Variants in RBM25 observed in about 807,000 individuals in gnomAD.
The protein encoded by RBM25 is RNA-binding protein 25.
In RBM25, 19 loss-of-function variants were observed where a neutral mutation model predicts 120.7. That is an observed-to-expected ratio of 0.16 (90% CI 0.11 to 0.23). RBM25 has a LOEUF of 0.23. Among genes scored for constraint, RBM25 ranks in the 10% least tolerant of loss-of-function variants. RBM25 has a pLI of 1.00. For synonymous variants in RBM25, 390 were observed against 326.7 expected (o/e 1.19, Z -2.09); for missense variants, 605 against 1,041.5 (o/e 0.58, Z 5.77).
chr14:73,119,360 G>T (rs574554816), intron 18 of RBM25, among the ~76,000 whole-genome samples: 2 of 152,002 alleles, frequency 1.3e-5, no homozygotes, highest in South Asian at 4.1e-4. Flanking sequence ...CCGCCTCCTG[G>T]GTTCACGTCA....
In RBM25 at chr14:73,111,610, T is replaced by G; in HGVS notation, c.2100T>G (p.Asp700Glu). Residue 700 changes from aspartate (D) to glutamate (E), a missense_variant, in exon 16 of 19, where the codon GAT (aspartate) becomes GAG (glutamate). Asp to Glu is a conservative substitution (Grantham distance 45). Coordinates refer to ENST00000261973, the MANE Select transcript of RBM25 (RefSeq NM_021239.3). ...PVDSVFNKFE[D>E]EDSDDVPRKR... is the part of the protein sequence containing the mutation. ...ATAGTGTCTTTAACAAATTTGAGGA[T>G]GAAGACAGTGATGACGTACCCCGAA... 6.2e-7 allele frequency: 1 copy of G among 1,614,096 alleles called. No individual in the cohort carries two copies. The highest frequency in any genetic ancestry group is 1.3e-5 in the African/African-American group (1 of 75,034).
At chr14:73,068,215 A>G (rs1895188745) in intron 1 of RBM25, 8 of 858,594 alleles carry the variant, frequency 9.3e-6, no homozygotes, top group South Asian at 1.3e-5. Flanking sequence ...AAATGTTTCC[A>G]TTGATACAGA....
intron 7 of RBM25, among the ~76,000 whole-genome samples, chr14:73,097,742 C>T (rs951511665): frequency 3.3e-5 from 5 of 152,110 alleles, no homozygotes; most frequent in Non-Finnish European, 7.4e-5. Flanking sequence ...GCTGCCTTTC[C>T]TTAAGAAACT....
chr14:73,111,729 G>A lies in RBM25; in HGVS notation c.2219G>A (p.Ser740Asn), dbSNP rs752160108. 1.2e-6 allele frequency: 2 copies of A among 1,614,044 alleles called. No homozygotes were observed. Among genetic ancestry groups the A allele is most frequent in the South Asian group, 1.1e-5 (1 of 91,058 alleles). Residue 740 changes from serine to asparagine, a missense_variant, in exon 16 of 19, where the codon AGT becomes AAT. Around this residue, in one of 4 missense-constraint regions of RBM25, gnomAD observed 465 missense variants for 741.6 expected, o/e 0.63. Transcript: ENST00000261973. ...NTEEKRKHIK[S>N]LIEKIPTAKP... is the part of the protein sequence containing the mutation. ...GAAGAAAAGCGTAAACACATTAAGA[G>A]TCTCATTGAGAAAATCCCTACAGCC...
intron 1 of RBM25, among the ~76,000 whole-genome samples, chr14:73,066,402 G>C (rs1895134322): frequency 6.6e-6 from 1 of 152,096 alleles, no homozygotes; most frequent in Non-Finnish European, 1.5e-5. Flanking sequence ...TTGGGAGGCC[G>C]AGGCCGACGG....
Position 73,121,498 on chromosome 14 carries a change from A to G in RBM25, c.*1693A>G, listed in dbSNP as rs184550808. Reference sequence around the variant, plus strand: ...TTTTGGATGAATCTACTATACATCTATGGAAATGTCTCTTTTATTTTAAAT... The same window carrying G: ...TTTTGGATGAATCTACTATACATCTGTGGAAATGTCTCTTTTATTTTAAAT... On this transcript the variant is annotated 3_prime_UTR_variant, in exon 19 of 19. Transcript: ENST00000261973. The G allele has an allele frequency of 2.6e-5, 4 of 152,650 alleles. No homozygotes were observed. The highest frequency in any genetic ancestry group is 1.9e-4 in the East Asian group (1 of 5,192). 9.5% of individuals were successfully genotyped at this position (152,650 alleles called of 1,614,324 possible).
At chr14:73,085,356 A>G (rs779030016) in intron 5 of RBM25, among the ~76,000 whole-genome samples, 1 of 148,528 alleles carries the variant, frequency 6.7e-6, no homozygotes, top group African/African-American at 2.5e-5. Context: ...TCATTCTTTT[A>G]TTGAGGAACA....
At chr14:73,063,807 C>T (rs1211002668) in intron 1 of RBM25, among the ~76,000 whole-genome samples, 1 of 151,456 alleles carries the variant, frequency 6.6e-6, no homozygotes, top group Non-Finnish European at 1.5e-5. Context: ...AAGTCAGAAA[C>T]TCTTCAAATG....
At chr14:73,089,383 G>C (rs1895758682) in intron 6 of RBM25, among the ~76,000 whole-genome samples, 1 of 152,046 alleles carries the variant, frequency 6.6e-6, no homozygotes, top group South Asian at 2.1e-4. Context: ...TTGAGACAGA[G>C]TCTCTCTGTC....
intron 5 of RBM25, among the ~76,000 whole-genome samples, chr14:73,085,594 A>G (rs1452491055): frequency 6.6e-6 from 1 of 151,646 alleles, no homozygotes; most frequent in South Asian, 2.1e-4. Flanking sequence ...ACAGGCGCCC[A>G]CCACCATGCC....
At position 73,058,548 on chromosome 14, in the gene RBM25, T is replaced by G. The variant is rs1480318195; in HGVS notation, c.-173T>G. 6.6e-6 allele frequency: 1 copy of G among 152,160 alleles called. No individual in the cohort carries two copies. Among genetic ancestry groups the G allele is most frequent in the East Asian group, 1.9e-4 (1 of 5,180 alleles). The allele number at this position is 152,160 out of a possible 1,614,324, so 9.4% of individuals were successfully genotyped here. ...GGGCAAGAGGAAGACCTCCATCAGC[T>G]CGCCGCGCAGCGCGGCTGTATTTGC... On this transcript the variant is annotated 5_prime_UTR_variant, in exon 1 of 19. Transcript: ENST00000261973.
At chr14:73,112,035 C>T (rs1896320223) in intron 16 of RBM25, 117 bp from the exon 17 acceptor site, 3 of 1,095,158 alleles carry the variant, frequency 2.7e-6, no homozygotes, top group Non-Finnish European at 2.7e-6. Flanking sequence ...ACATATCTGT[C>T]TTAGTTCAAC....
chr14:73,074,923 G>A (rs1414263289), intron 2 of RBM25, among the ~76,000 whole-genome samples: 1 of 151,020 alleles, frequency 6.6e-6, no homozygotes, highest in Non-Finnish European at 1.5e-5. Flanking sequence ...CTCAAGCGAT[G>A]TGCCTGTCTT....
intron 9 of RBM25, chr14:73,102,872 A>G (rs1459773775): frequency 1.6e-5 from 4 of 250,208 alleles, no homozygotes; most frequent in Non-Finnish European, 2.3e-5. Flanking sequence ...GATCGTATTC[A>G]TAGAAAATAT....
At chr14:73,076,068 T>G (rs1431995512) in intron 2 of RBM25, among the ~76,000 whole-genome samples, 1 of 152,236 alleles carries the variant, frequency 6.6e-6, no homozygotes, top group Non-Finnish European at 1.5e-5. Context: ...CTATCCAGGA[T>G]TTTATGCTCT....
chr14:73,109,686 G>A (rs1248748366), intron 14 of RBM25, among the ~76,000 whole-genome samples, 194 bp downstream of exon 14: 7 of 151,804 alleles, frequency 4.6e-5, no homozygotes, highest in Admixed American at 3.9e-4. Flanking sequence ...CCAGCTACTC[G>A]GGAGGCCGAG....
chr14:73,081,267 A>G (rs1205167936), intron 4 of RBM25, among the ~76,000 whole-genome samples: 2 of 152,102 alleles, frequency 1.3e-5, no homozygotes, highest in Non-Finnish European at 2.9e-5. Context: ...CCTCCCAAGT[A>G]GCTGGGATTT....
intron 1 of RBM25, among the ~76,000 whole-genome samples, chr14:73,064,703 A>G (rs1175861155): frequency 6.6e-6 from 1 of 151,102 alleles, no homozygotes; most frequent in Non-Finnish European, 1.5e-5. Flanking sequence ...GAGGCCAGTT[A>G]TCTTAAAGGA....
intron 6 of RBM25, among the ~76,000 whole-genome samples, chr14:73,093,948 G>GTTTTTTTTTT (rs1004873413): frequency 8.2e-6 from 1 of 122,168 alleles, no homozygotes; most frequent in African/African-American, 3.2e-5. Flanking sequence ...ATCAGGTTTT[G>GTTTTTTTTTT]TTTTTTTTTT....
Sources: allele counts gnomAD v4.1 joint callset (sites outside exome capture counted in the v4.1 genomes callset), GRCh38; gene constraint gnomAD v4.1.1; regional missense constraint gnomAD v4.1.1; transcripts MANE v1.5; gene names NCBI Gene and HGNC (gene_info 2026-07-23, HGNC 2026-07-21).